The following UNC13C variants were observed in gnomAD, a reference collection of about 807,000 sequenced individuals.
UNC13C encodes protein unc-13 homolog C.
A neutral mutation model predicts 245.4 loss-of-function variants in UNC13C; 174 were observed. The ratio of observed to expected loss-of-function variants is 0.71; its 90% CI spans 0.63 to 0.80. UNC13C has a LOEUF of 0.80. Ranked by LOEUF, UNC13C falls within the 30% of genes least tolerant of loss-of-function variation. The pLI is 0.00. For missense variants in UNC13C, 2,829 were observed against 2,602.9 expected (o/e 1.09, Z -1.89); for synonymous variants, 992 against 895.1 (o/e 1.11, Z -1.93).
intron 19 of UNC13C, among the ~76,000 whole-genome samples, chr15:54,430,304 T>C (rs2040846351): frequency 6.6e-6 from 1 of 151,722 alleles, no homozygotes; most frequent in Non-Finnish European, 1.5e-5. Flanking sequence ...TGGAGCATAT[T>C]GGTTACTGCT....
chr15:54,473,906 C>G (rs1046959736), intron 19 of UNC13C, among the ~76,000 whole-genome samples: 3 of 122,828 alleles, frequency 2.4e-5, no homozygotes, highest in South Asian at 2.8e-4. Context: ...TTCTGAGTCT[C>G]TAATTATCTA....
chr15:54,551,982 C>T (rs941333651), intron 28 of UNC13C, among the ~76,000 whole-genome samples: 1 of 150,840 alleles, frequency 6.6e-6, no homozygotes, highest in Non-Finnish European at 1.5e-5. Context: ...AATTTGAAAG[C>T]AGATATGATG....
intron 26 of UNC13C, among the ~76,000 whole-genome samples, chr15:54,538,163 A>G (rs1171243224): frequency 1.5e-5 from 2 of 134,870 alleles, no homozygotes; most frequent in East Asian, 4.2e-4. Flanking sequence ...AAAAAAAAAA[A>G]ACCCATTAAA....
At chr15:53,975,520 CT>C (rs1436925696), upstream of UNC13C, among the ~76,000 whole-genome samples, 1 of 152,208 alleles carries the variant, frequency 6.6e-6, no homozygotes, top group Non-Finnish European at 1.5e-5. Flanking sequence ...TTCTAAAACA[CT>C]GAAAACACAA....
intron 4 of UNC13C, among the ~76,000 whole-genome samples, chr15:54,215,744 C>G (rs1055997701): frequency 2.0e-5 from 3 of 151,880 alleles, no homozygotes; most frequent in African/African-American, 4.8e-5. Context: ...AGTCAAGACT[C>G]TCATTAAGAA....
At chr15:54,088,415 G>A (rs566107966) in intron 2 of UNC13C, among the ~76,000 whole-genome samples, 39 of 152,186 alleles carry the variant, frequency 2.6e-4, no homozygotes, top group African/African-American at 8.7e-4. Flanking sequence ...GGAGAGAAAT[G>A]TTTTTAATCC....
intron 4 of UNC13C, among the ~76,000 whole-genome samples, chr15:54,194,198 G>T (rs1343107143): frequency 6.6e-6 from 1 of 152,124 alleles, no homozygotes; most frequent in East Asian, 1.9e-4. Context: ...AGTTAGACGG[G>T]GTGATAGTTT....
chr15:54,086,085 CCT>C (rs1182181962), intron 2 of UNC13C, among the ~76,000 whole-genome samples: 1 of 152,166 alleles, frequency 6.6e-6, no homozygotes, highest in Non-Finnish European at 1.5e-5. Context: ...CACTCACAAT[CCT>C]CTCTTTTAGC....
At chr15:54,200,629 A>G (rs2034493578) in intron 4 of UNC13C, among the ~76,000 whole-genome samples, 1 of 152,114 alleles carries the variant, frequency 6.6e-6, no homozygotes, top group Non-Finnish European at 1.5e-5. Context: ...ACTGAACAGT[A>G]ATAGTGACAC....
chr15:53,842,608 C>T, the UNC13C span, among the ~76,000 whole-genome samples: 1 of 152,052 alleles, frequency 6.6e-6, no homozygotes, highest in East Asian at 1.9e-4. Context: ...AGGTATGTTG[C>T]TTAGGTGGTA....
chr15:54,171,521 A>G (rs1274225742), intron 4 of UNC13C, among the ~76,000 whole-genome samples: 1 of 152,164 alleles, frequency 6.6e-6, no homozygotes, highest in African/African-American at 2.4e-5. Flanking sequence ...GTCATTGATC[A>G]CCAGGGAAAT....
chr15:54,081,603 C>G (rs1385145997), intron 2 of UNC13C, among the ~76,000 whole-genome samples: 1 of 84,834 alleles, frequency 1.2e-5, no homozygotes, highest in Non-Finnish European at 3.6e-5. Flanking sequence ...GAATAGCAAT[C>G]CCTGCTTTTT....
chr15:54,389,666 A>T (rs893763433), intron 17 of UNC13C, among the ~76,000 whole-genome samples: 17 of 152,090 alleles, frequency 1.1e-4, no homozygotes, highest in African/African-American at 3.9e-4. Context: ...TTTACTCATA[A>T]TTATTCAAAT....
intron 13 of UNC13C, among the ~76,000 whole-genome samples, chr15:54,303,383 T>C (rs1004394153): frequency 6.6e-6 from 1 of 152,164 alleles, no homozygotes; most frequent in Non-Finnish European, 1.5e-5. Flanking sequence ...TGCTGCTGGA[T>C]AGAATCCCAT....
chr15:54,148,606 T>A (rs915971627), intron 4 of UNC13C, among the ~76,000 whole-genome samples: 1 of 152,204 alleles, frequency 6.6e-6, no homozygotes, highest in African/African-American at 2.4e-5. Context: ...AAGTTGTTCC[T>A]ACTCTCCAGG....
At chr15:54,280,782 A>ATACC (rs2036972820) in intron 10 of UNC13C, among the ~76,000 whole-genome samples, 1 of 126,962 alleles carries the variant, frequency 7.9e-6, no homozygotes, top group African/African-American at 3.7e-5. Flanking sequence ...ATATATATAT[A>ATACC]CACATATATA....
At chr15:54,016,966 A>G (rs551105750) in intron 2 of UNC13C, among the ~76,000 whole-genome samples, 1 of 152,326 alleles carries the variant, frequency 6.6e-6, no homozygotes, top group South Asian at 2.1e-4. Flanking sequence ...AGCTGGTTAT[A>G]TCTTCTCTGT....
At chr15:54,333,099 T>C (rs1168182556) in intron 15 of UNC13C, among the ~76,000 whole-genome samples, 4 of 152,058 alleles carry the variant, frequency 2.6e-5, no homozygotes, top group Admixed American at 6.6e-5. Context: ...TAATTAGCGA[T>C]GGTTTTCCTA....
chr15:54,413,436 G>A (rs976806548), intron 18 of UNC13C, among the ~76,000 whole-genome samples: 2 of 152,054 alleles, frequency 1.3e-5, no homozygotes, highest in African/African-American at 4.8e-5. Context: ...TACAAAATGT[G>A]TTATGCTAGT....
Sources: gnomAD v4.1 joint callset for allele counts (sites outside exome capture counted in the v4.1 genomes callset) on GRCh38, gnomAD v4.1.1 for gene constraint, MANE v1.5 for transcripts, NCBI Gene and HGNC (gene_info 2026-07-23, HGNC 2026-07-21) for gene names.